Variants in UBXN2B observed in about 807,000 individuals in gnomAD.
The protein encoded by UBXN2B is UBX domain-containing protein 2B.
UBXN2B carries 19 observed loss-of-function variants against 37.5 expected under a neutral mutation model. That is an observed-to-expected ratio of 0.51 (90% CI 0.35 to 0.74). The LOEUF is 0.74. Among genes scored for constraint, UBXN2B ranks in the 30% least tolerant of loss-of-function variants. The pLI is 0.01. For synonymous variants in UBXN2B, 145 were observed against 143.8 expected, an observed-to-expected ratio of 1.01 and a Z score of -0.06; for missense variants, 370 against 393.2, an observed-to-expected ratio of 0.94 and a Z score of 0.50.
chr8:58,415,004 A>T (rs1295248731), intron 1 of UBXN2B, among the ~76,000 whole-genome samples: 2 of 152,122 alleles, frequency 1.3e-5, no homozygotes, highest in Non-Finnish European at 2.9e-5. Context: ...TCTATTTCTG[A>T]TTCATTTTCT....
intron 2 of UBXN2B, chr8:58,426,237 C>T (rs1381009029): frequency 1.7e-5 from 9 of 542,302 alleles, no homozygotes; most frequent in South Asian, 9.6e-5. Context: ...GACAGAGTCT[C>T]GCTCTGTCAC....
At chr8:58,440,448 G>A (rs1325804142) in intron 6 of UBXN2B, among the ~76,000 whole-genome samples, 1 of 152,290 alleles carries the variant, frequency 6.6e-6, no homozygotes, top group Non-Finnish European at 1.5e-5. Flanking sequence ...GGTGAAAGAA[G>A]GCATTGTATC....
chr8:58,445,406 A>T (rs1808643753), intron 6 of UBXN2B, among the ~76,000 whole-genome samples: 1 of 152,224 alleles, frequency 6.6e-6, no homozygotes, highest in Admixed American at 6.5e-5. Context: ...TTTAGTGCTG[A>T]TAATATGTTC....
intron 2 of UBXN2B, chr8:58,425,913 G>A (rs982538914): frequency 2.9e-5 from 36 of 1,229,410 alleles, no homozygotes; most frequent in African/African-American, 7.5e-5. Context: ...TCACTGGTGC[G>A]CACAGAGAGA....
At chr8:58,420,512 T>C (rs906980910) in intron 2 of UBXN2B, among the ~76,000 whole-genome samples, 5 of 152,208 alleles carry the variant, frequency 3.3e-5, no homozygotes, top group Non-Finnish European at 7.3e-5. Context: ...TTAAAAGATT[T>C]ATCAATAAAA....
At chr8:58,414,777 A>G (rs1807729293) in intron 1 of UBXN2B, among the ~76,000 whole-genome samples, 2 of 152,160 alleles carry the variant, frequency 1.3e-5, no homozygotes, top group Admixed American at 1.3e-4. Context: ...GTTAATAACT[A>G]GGATCTTTCA....
rs1387300780 is a variant in UBXN2B at position 58,449,895 on chromosome 8, C to T, written c.*2344C>T. The T allele has an allele frequency of 1.3e-5, 2 of 152,222 alleles. No individual in the cohort carries two copies. The highest frequency in any genetic ancestry group is 6.5e-5 in the Admixed American group (1 of 15,286). The allele number at this position is 152,222 out of a possible 1,614,324, so 9.4% of individuals were successfully genotyped here. On this transcript the variant is annotated 3_prime_UTR_variant, in exon 8 of 8. Coordinates refer to ENST00000399598, the MANE Select transcript of UBXN2B (RefSeq NM_001077619.2). ...CTGCTGCTATAACGTTGTCAAGAAA[C>T]TTGTGGGTCTTTTACATATGTCACA... is the stretch of plus-strand genomic sequence containing the variant.
chr8:58,446,177 T>C, intron 7 of UBXN2B, 109 bp downstream of exon 7: 2 of 1,200,480 alleles, frequency 1.7e-6, no homozygotes, highest in Admixed American at 2.9e-5. Context: ...ATTCTTTAGG[T>C]TTACTTTTGA....
At chr8:58,425,355 G>C (rs187781652) in intron 2 of UBXN2B, 1 of 1,139,568 alleles carries the variant, frequency 8.8e-7, no homozygotes, top group African/African-American at 1.5e-5. Context: ...GCCAAAAGTC[G>C]TTCACCATGT....
intron 6 of UBXN2B, among the ~76,000 whole-genome samples, chr8:58,445,698 A>T (rs1808649950): frequency 6.6e-6 from 1 of 152,236 alleles, no homozygotes; most frequent in African/African-American, 2.4e-5. Context: ...GCAAACAGTT[A>T]AATGAGGAAA....
chr8:58,439,858 A>C, intron 6 of UBXN2B, 88 bp downstream of exon 6: 2 of 1,360,852 alleles, frequency 1.5e-6, no homozygotes, highest in Non-Finnish European at 2.0e-6. Flanking sequence ...ATGAAGTAAA[A>C]AACAAAAATA....
intron 5 of UBXN2B, among the ~76,000 whole-genome samples, chr8:58,437,182 G>T (rs1248686338): frequency 6.6e-6 from 1 of 152,130 alleles, no homozygotes; most frequent in African/African-American, 2.4e-5. Context: ...AAATGAGGAA[G>T]TTATTGGGAA....
In UBXN2B at chr8:58,448,602, C is replaced by G. The variant is rs1445704549; in HGVS notation, c.*1051C>G. On this transcript the variant is annotated 3_prime_UTR_variant, in exon 8 of 8. Coordinates refer to ENST00000399598, the MANE Select transcript of UBXN2B (RefSeq NM_001077619.2). ...TCATTCAACACATTTTTCTAGGAAA[C>G]TCACTGTATACACTAAACACTATTC... 1 of 152,480 alleles carries G rather than the reference C, an allele frequency of 6.6e-6. No homozygotes were observed. Among genetic ancestry groups the G allele is most frequent in the East Asian group, 1.9e-4 (1 of 5,200 alleles). The allele number at this position is 152,480 out of a possible 1,614,324, so 9.4% of individuals were successfully genotyped here.
chr8:58,438,679 A>G (rs144554150), intron 5 of UBXN2B, among the ~76,000 whole-genome samples: 10 of 152,346 alleles, frequency 6.6e-5, no homozygotes, highest in African/African-American at 2.2e-4. Context: ...GATTATAGGT[A>G]GAAAGAAGAT....
Position 58,426,051 on chromosome 8 carries a change from C to A in UBXN2B, c.189-4468C>A, listed in dbSNP as rs1368936682. The A allele has an allele frequency of 2.9e-6, 4 of 1,385,054 alleles. No individual in the cohort carries two copies. The African/African-American group carries it at 5.7e-5, about 20-fold the overall frequency. The allele number at this position is 1,385,054 out of a possible 1,614,324, so 85.8% of individuals were successfully genotyped here. A position where few individuals can be genotyped will look rare whatever the true frequency, so the allele number is the denominator to read the frequency against. On this transcript the variant is annotated intron_variant, in intron 2 of 7. Transcript: ENST00000399598. ...TGAAACCACCTTTCAGAGGCAGGAT[C>A]TGCACAGTTCAGAGGATATTTAAGC...
Position 58,448,747 on chromosome 8 carries a change from T to G in UBXN2B, c.*1196T>G, listed in dbSNP as rs2129604789. On this transcript the variant is annotated 3_prime_UTR_variant, in exon 8 of 8. Transcript: ENST00000399598. ...CCAGCATAAATGTTTGCATTTCTGC[T>G]GAAGCCAGAAGCTTTTCCTTCTTCC... is the stretch of plus-strand genomic sequence containing the variant. 6.5e-6 allele frequency: 1 copy of G among 152,744 alleles called. No individual in the cohort carries two copies. Among genetic ancestry groups the G allele is most frequent in the East Asian group, 1.9e-4 (1 of 5,184 alleles). 9.5% of individuals were successfully genotyped at this position (152,744 alleles called of 1,614,324 possible). A position where few individuals can be genotyped will look rare whatever the true frequency, so the allele number is the denominator to read the frequency against.
At chr8:58,425,620 A>G (rs1202163392) in intron 2 of UBXN2B, 4 of 1,122,764 alleles carry the variant, frequency 3.6e-6, no homozygotes, top group Non-Finnish European at 5.4e-6. Context: ...TAGTGTCTCA[A>G]ATTCTTCCGA....
chr8:58,443,355 CTTG>C (rs1042249494), intron 6 of UBXN2B, among the ~76,000 whole-genome samples: 3 of 152,178 alleles, frequency 2.0e-5, no homozygotes, highest in South Asian at 2.1e-4. Flanking sequence ...GCCTACAAAC[CTTG>C]TTGTACCAAT....
In UBXN2B at chr8:58,449,475, T is replaced by C. The variant is rs545308365; in HGVS notation, c.*1924T>C. The C allele has an allele frequency of 1.3e-5, 2 of 152,372 alleles. No individual in the cohort carries two copies. Among genetic ancestry groups the C allele is most frequent in the East Asian group, 3.9e-4 (2 of 5,188 alleles). The allele number at this position is 152,372 out of a possible 1,614,324, so 9.4% of individuals were successfully genotyped here. Reference sequence around the variant, plus strand: ...TCTCAAATCTCACATTGAAGCCATCTAAATTAAGTTTGGGAGAGGATCTGT... The same window carrying C: ...TCTCAAATCTCACATTGAAGCCATCCAAATTAAGTTTGGGAGAGGATCTGT... On this transcript the variant is annotated 3_prime_UTR_variant, in exon 8 of 8. Coordinates refer to ENST00000399598, the MANE Select transcript of UBXN2B (RefSeq NM_001077619.2).
Sources: allele counts gnomAD v4.1 joint callset (sites outside exome capture counted in the v4.1 genomes callset), GRCh38; gene constraint gnomAD v4.1.1; transcripts MANE v1.5; gene names NCBI Gene and HGNC (gene_info 2026-07-23, HGNC 2026-07-21).